ARAP2: variants seen among roughly 807,000 people sequenced by gnomAD.
ARAP2 encodes the protein ArfGAP with RhoGAP domain, ankyrin repeat and PH domain 2.
A neutral mutation model predicts 194.5 loss-of-function variants in ARAP2; 148 were observed. The observed-to-expected ratio is 0.76, with a 90% CI of 0.67 to 0.87. The LOEUF (loss-of-function observed/expected upper bound fraction) is 0.87. Ranked by LOEUF, ARAP2 falls within the 40% of genes least tolerant of loss-of-function variation. The pLI, the probability that ARAP2 is intolerant of heterozygous loss-of-function variation, is 0.00. For synonymous variants in ARAP2, 695 were observed against 683.5 expected (o/e 1.02, Z -0.26); for missense variants, 2,128 against 1,989.7 (o/e 1.07, Z -1.32).
At chr4:36,178,122 A>G in intron 8 of ARAP2, 117 bp from the exon 9 acceptor site, 1 of 859,084 alleles carries the variant, frequency 1.2e-6, no homozygotes, top group South Asian at 2.0e-5. Flanking sequence ...CTTTCCCACA[A>G]CCACAATCTA....
In ARAP2 at chr4:36,229,304, A is replaced by C. The variant is rs1179378683; in HGVS notation, c.183T>G (p.Leu61=). The C allele has an allele frequency of 6.2e-7, 1 of 1,613,942 alleles. No individual in the cohort carries two copies. Among genetic ancestry groups the C allele is most frequent in the South Asian group, 1.1e-5 (1 of 91,080 alleles). ...ISPTGHRRRI[L]KQLQIILSKM... is the part of the protein sequence containing the mutation. Reference sequence around the variant, plus strand: ...TTGACAAGATTATCTGTAACTGTTTAAGTATCCTCCTACGGTGACCTGTAG... The same window carrying C: ...TTGACAAGATTATCTGTAACTGTTTCAGTATCCTCCTACGGTGACCTGTAG... Residue 61 remains leucine (L), a synonymous_variant, in exon 2 of 33, where the codon CTT becomes CTG. Transcript: ENST00000303965.
chr4:36,193,191 C>T (rs1742332810), intron 7 of ARAP2, among the ~76,000 whole-genome samples: 1 of 152,126 alleles, frequency 6.6e-6, no homozygotes, highest in Non-Finnish European at 1.5e-5. Flanking sequence ...GTATGTGTTA[C>T]TGTCTAAAAG....
intron 5 of ARAP2, among the ~76,000 whole-genome samples, chr4:36,041,692 T>C (rs1429615301): frequency 6.6e-6 from 1 of 152,124 alleles, no homozygotes; most frequent in African/African-American, 2.4e-5. Flanking sequence ...CAGAGAAATA[T>C]AAATCATTCA....
At chr4:36,011,646 A>G (rs1282608061) in intron 9 of ARAP2, among the ~76,000 whole-genome samples, 2 of 152,100 alleles carry the variant, frequency 1.3e-5, no homozygotes, top group South Asian at 2.1e-4. Flanking sequence ...AACACATAAC[A>G]CCTACAAATG....
intron 7 of ARAP2, among the ~76,000 whole-genome samples, chr4:36,189,823 TG>T (rs1373759841): frequency 6.6e-6 from 1 of 152,220 alleles, no homozygotes; most frequent in East Asian, 1.9e-4. Context: ...GTAACTGTCT[TG>T]TAAGCACCAT....
At chr4:36,123,807 T>A (rs73806479) in intron 22 of ARAP2, among the ~76,000 whole-genome samples, 1 of 151,810 alleles carries the variant, frequency 6.6e-6, no homozygotes, top group African/African-American at 2.4e-5. Flanking sequence ...CAGCCAACTA[T>A]AACTCTGTCA....
intron 6 of ARAP2, among the ~76,000 whole-genome samples, chr4:36,018,656 T>C (rs190878783): frequency 3.3e-5 from 5 of 152,274 alleles, no homozygotes; most frequent in African/African-American, 9.6e-5. Flanking sequence ...TCTCCCATCG[T>C]CAACTTTTCC....
chr4:36,098,511 T>C (rs987002122), intron 27 of ARAP2, among the ~76,000 whole-genome samples: 1 of 151,960 alleles, frequency 6.6e-6, no homozygotes, highest in East Asian at 1.9e-4. Context: ...AAGCCTTACC[T>C]TCCTAAAGCC....
intron 7 of ARAP2, among the ~76,000 whole-genome samples, chr4:36,192,110 A>G (rs1339697023): frequency 6.6e-6 from 1 of 150,848 alleles, no homozygotes; most frequent in Non-Finnish European, 1.5e-5. Context: ...CCCTTTTGCT[A>G]GAAGAGTCAC....
chr4:36,240,287 T>C (rs1277806473), intron 1 of ARAP2, among the ~76,000 whole-genome samples: 2 of 152,232 alleles, frequency 1.3e-5, no homozygotes, highest in African/African-American at 2.4e-5. Flanking sequence ...TGAATGGAAT[T>C]CTTCGGTCTG....
chr4:36,160,492 AAG>A lies in ARAP2; in HGVS notation c.2407_2408del (p.Leu803PhefsTer11). The A allele has an allele frequency of 1.3e-6, 2 of 1,567,634 alleles. No individual in the cohort carries two copies. The highest frequency in any genetic ancestry group is 1.7e-6 in the Non-Finnish European group (2 of 1,163,304). On this transcript the variant is annotated frameshift_variant, in exon 13 of 33. Transcript: ENST00000303965. LOFTEE classifies it high-confidence loss of function. Reference protein sequence around the residue: ...KYKEGKFRKTLLASLTKEELN... With the variant: ...KYKEGKFRKTXLASLTKEELN... ...ATTCTTCTTTGGTGAGAGATGCCAA[AAG>A]AGTTTTTCTGAATTTTCCTTCTTTA... is the stretch of plus-strand genomic sequence containing the variant.
chr4:36,037,058 C>G (rs1720048343), intron 5 of ARAP2, among the ~76,000 whole-genome samples: 1 of 152,144 alleles, frequency 6.6e-6, no homozygotes, highest in South Asian at 2.1e-4. Flanking sequence ...CTTCATACAG[C>G]ATGGTTTCTA....
intron 25 of ARAP2, 116 bp from the exon 26 acceptor site, chr4:36,114,403 T>C: frequency 1.5e-6 from 1 of 684,372 alleles, no homozygotes; most frequent in Non-Finnish European, 2.5e-6. Flanking sequence ...ATTTTGAGCA[T>C]GGTTAAAACC....
At position 36,066,267 on chromosome 4, in the gene ARAP2, GT is replaced by G. The variant is rs1725436253; in HGVS notation, c.*1639del. The G allele has an allele frequency of 6.6e-6, 1 of 152,054 alleles. No homozygotes were observed. The highest frequency in any genetic ancestry group is 2.1e-4 in the South Asian group (1 of 4,822). 9.4% of individuals were successfully genotyped at this position (152,054 alleles called of 1,614,324 possible). On this transcript the variant is annotated 3_prime_UTR_variant, in exon 33 of 33. Transcript: ENST00000303965. ...TATAAATATTTATTAGAAATAGTAT[GT>G]TTAAGATTAGTTTTTCTTTCTAAAT...
chr4:36,106,689 T>C (rs1718497244), intron 27 of ARAP2, among the ~76,000 whole-genome samples: 1 of 151,944 alleles, frequency 6.6e-6, no homozygotes, highest in Admixed American at 6.6e-5. Flanking sequence ...AACTGAATAA[T>C]ATAAGGCAAA....
chr4:36,096,749 T>C (rs981426121), intron 27 of ARAP2, among the ~76,000 whole-genome samples: 1 of 152,164 alleles, frequency 6.6e-6, no homozygotes, highest in African/African-American at 2.4e-5. Flanking sequence ...TGCTAAAATT[T>C]GTCTTCTGGT....
intron 2 of ARAP2, among the ~76,000 whole-genome samples, chr4:36,225,950 A>T (rs756914924): frequency 3.3e-5 from 5 of 152,114 alleles, no homozygotes; most frequent in Non-Finnish European, 7.3e-5. Context: ...AGTTTGATTT[A>T]AAAAGTTATA....
chr4:36,107,521 T>C (rs763191113), intron 27 of ARAP2, 44 bp downstream of exon 27: 87 of 1,565,870 alleles, frequency 5.6e-5, no homozygotes, highest in Admixed American at 7.6e-5. Context: ...CTTTAACCAC[T>C]TGAATTTTCA....
At chr4:36,021,678 G>A (rs577649747) in intron 5 of ARAP2, among the ~76,000 whole-genome samples, 5 of 152,176 alleles carry the variant, frequency 3.3e-5, no homozygotes, top group African/African-American at 7.2e-5. Context: ...AAAAATTGTC[G>A]AGTCTCAGGT....
Sources: allele counts gnomAD v4.1 joint callset (sites outside exome capture counted in the v4.1 genomes callset), GRCh38; gene constraint gnomAD v4.1.1; transcripts MANE v1.5; gene names NCBI Gene and HGNC (gene_info 2026-07-23, HGNC 2026-07-21).